OSCP1: variants seen among roughly 807,000 people sequenced by gnomAD.
The protein encoded by OSCP1 is organic solute carrier partner 1.
In OSCP1, 35 loss-of-function variants were observed where a neutral mutation model predicts 45.1. The observed-to-expected ratio is 0.78, with a 90% CI of 0.59 to 1.03. The LOEUF (loss-of-function observed/expected upper bound fraction) is 1.03, where lower values mean the gene tolerates loss of function less well. Among genes scored for constraint, OSCP1 ranks in the 50% least tolerant of loss-of-function variants. The pLI, the probability that OSCP1 is intolerant of heterozygous loss-of-function variation, is 0.00. For missense variants in OSCP1, 400 were observed against 470.7 expected (o/e 0.85, Z 1.39); for synonymous variants, 179 against 180.1 (o/e 0.99, Z 0.05).
intron 1 of OSCP1, chr1:36,443,855 AC>A: frequency 1.2e-6 from 1 of 843,580 alleles, no homozygotes; most frequent in Non-Finnish European, 1.9e-6. Flanking sequence ...CAAATGTATA[AC>A]CAATATCTCA....
intron 4 of OSCP1, among the ~76,000 whole-genome samples, chr1:36,424,830 C>G (rs1444359236): frequency 6.6e-6 from 1 of 152,146 alleles, no homozygotes. Flanking sequence ...GCTTGAAGAT[C>G]TTTTCAACTC....
In OSCP1 at chr1:36,447,164, A is replaced by T. The variant is rs1438092614; in HGVS notation, c.112+3094T>A. Among the ~76,000 whole-genome samples, 3 of 152,292 alleles carry T rather than the reference A, an allele frequency of 2.0e-5. No homozygotes were observed. The highest frequency in any genetic ancestry group is 6.8e-3 in the Middle Eastern group (2 of 294). ...GTTTTATAGGCTCCTGTGTACAGGG[A>T]TCTGTTACAGGGGCTCTCGCTCCTG... On this transcript the variant is annotated intron_variant, in intron 1 of 9. Coordinates refer to ENST00000235532, the MANE Select transcript of OSCP1 (RefSeq NM_145047.5). The surrounding 1 kb of genome is among the most constrained non-coding windows in gnomAD (Gnocchi z 4.1).
rs1351661519 is a variant in OSCP1 at position 36,423,439 on chromosome 1, G to A, written c.544C>T (p.Gln182Ter). The A allele has an allele frequency of 6.2e-7, 1 of 1,612,096 alleles. No homozygotes were observed. Among genetic ancestry groups the A allele is most frequent in the African/African-American group, 1.3e-5 (1 of 74,828 alleles). Residue 182 changes from glutamine to a stop codon, truncating the protein, a stop_gained, in exon 5 of 10, where the codon CAG becomes TAG. Coordinates refer to ENST00000235532, the MANE Select transcript of OSCP1 (RefSeq NM_145047.5). LOFTEE classifies it high-confidence loss of function. ...AACACAAAGCGACCGTTATTATTCT[G>A]AACTTTGTCCTTTAGAAACATGGAT... is the stretch of plus-strand genomic sequence containing the variant. Reference protein sequence around the residue: ...RVSMFLKDKVQNNNGRFVLPV... With the variant: ...RVSMFLKDKV
intron 1 of OSCP1, among the ~76,000 whole-genome samples, chr1:36,442,151 T>C (rs1016343873): frequency 8.0e-5 from 12 of 150,032 alleles, no homozygotes; most frequent in Non-Finnish European, 1.5e-4. Flanking sequence ...TGCTTGAACC[T>C]GGGAGCGGAG....
chr1:36,433,246 A>T (rs1648493159), intron 2 of OSCP1, among the ~76,000 whole-genome samples: 1 of 152,228 alleles, frequency 6.6e-6, no homozygotes, highest in Non-Finnish European at 1.5e-5. Flanking sequence ...GCTTTGTGGT[A>T]CAAGTGGCCT....
At chr1:36,428,313 T>C (rs377270500) in intron 4 of OSCP1, 2 of 1,610,968 alleles carry the variant, frequency 1.2e-6, no homozygotes, top group Non-Finnish European at 8.5e-7. Flanking sequence ...TTCCCCTTTT[T>C]AAAATTTTAT....
At chr1:36,442,016 T>C (rs367630798) in intron 1 of OSCP1, among the ~76,000 whole-genome samples, 15,471 of 151,570 alleles carry the variant, frequency 0.1, 918 homozygotes, top group East Asian at 0.29. Flanking sequence ...TCACCTGAGG[T>C]CGGGAGTTCA....
intron 3 of OSCP1, 31 bp downstream of exon 3, chr1:36,432,391 C>T: frequency 1.2e-6 from 2 of 1,609,636 alleles, no homozygotes; most frequent in Non-Finnish European, 1.7e-6. Flanking sequence ...AGTACTGGGG[C>T]TGAGAGGCGA....
At chr1:36,438,994 C>T in intron 1 of OSCP1, 84 bp from the exon 2 acceptor site, 1 of 1,468,402 alleles carries the variant, frequency 6.8e-7, no homozygotes, top group African/African-American at 1.4e-5. Context: ...GGTACAGGAG[C>T]TGAGCGTGTA....
intron 8 of OSCP1, 82 bp downstream of exon 8, chr1:36,420,394 C>T (rs960409896): frequency 7.6e-6 from 11 of 1,440,092 alleles, no homozygotes; most frequent in South Asian, 2.6e-5. Flanking sequence ...TTATAAGTGC[C>T]ACTGGTTTGT....
intron 4 of OSCP1, among the ~76,000 whole-genome samples, chr1:36,427,299 C>CTTTTTTTTTTTTTTTGTT (rs1648036140): frequency 1.0e-5 from 1 of 96,328 alleles, no homozygotes; most frequent in African/African-American, 4.8e-5. Context: ...GGCGCCTGGC[C>CTTTTTTTTTTTTTTTGTT]TTTTTTTTTT....
At chr1:36,432,250 A>C (rs1300238823) in intron 3 of OSCP1, among the ~76,000 whole-genome samples, 172 bp downstream of exon 3, 1 of 152,190 alleles carries the variant, frequency 6.6e-6, no homozygotes, top group African/African-American at 2.4e-5. Flanking sequence ...TAAGATGATG[A>C]TGCCTGTTAC....
intron 1 of OSCP1, chr1:36,444,149 T>C (rs1168520060): frequency 3.2e-6 from 4 of 1,263,964 alleles, no homozygotes; most frequent in South Asian, 2.5e-5. Context: ...ACTTTTCACG[T>C]TGGCATTTAA....
chr1:36,431,417 A>G (rs909805304), intron 4 of OSCP1, among the ~76,000 whole-genome samples: 2 of 152,138 alleles, frequency 1.3e-5, no homozygotes, highest in Non-Finnish European at 2.9e-5. Context: ...AAGACCTGGA[A>G]AGGTGAGAGT....
At chr1:36,427,816 T>G (rs1374512326) in intron 4 of OSCP1, among the ~76,000 whole-genome samples, 2 of 152,238 alleles carry the variant, frequency 1.3e-5, no homozygotes, top group African/African-American at 4.8e-5. Flanking sequence ...ATATTTTTTA[T>G]TTTAATCAAT....
At chr1:36,422,697 T>G in intron 6 of OSCP1, 71 bp downstream of exon 6, 2 of 1,342,486 alleles carry the variant, frequency 1.5e-6, no homozygotes, top group Non-Finnish European at 2.0e-6. Flanking sequence ...GTCTGGCTGT[T>G]TCTCTTTTTT....
At chr1:36,422,939 A>T in intron 5 of OSCP1, 43 bp from the exon 6 acceptor site, 1 of 1,523,648 alleles carries the variant, frequency 6.6e-7, no homozygotes, top group African/African-American at 1.4e-5. Flanking sequence ...CTCCAAGCTT[A>T]GGTAGTCCTG....
At chr1:36,430,801 CT>C (rs1648314416) in intron 4 of OSCP1, among the ~76,000 whole-genome samples, 7 of 152,284 alleles carry the variant, frequency 4.6e-5, no homozygotes, top group Admixed American at 4.6e-4. Context: ...ACTACAGGTG[CT>C]TGCCACCATG....
chr1:36,441,966 G>A (rs1315135326), intron 1 of OSCP1, among the ~76,000 whole-genome samples: 2 of 151,906 alleles, frequency 1.3e-5, no homozygotes, highest in Non-Finnish European at 2.9e-5. Flanking sequence ...AGTGGCTCAC[G>A]CCTGTAATCC....
Sources: gnomAD v4.1 joint callset for allele counts (sites outside exome capture counted in the v4.1 genomes callset) on GRCh38, gnomAD v4.1.1 for gene constraint, Gnocchi (gnomAD v3.1) non-coding constraint, MANE v1.5 for transcripts, NCBI Gene and HGNC (gene_info 2026-07-23, HGNC 2026-07-21) for gene names.